Variants in SP6 observed in about 807,000 individuals in gnomAD.
SP6 encodes the protein transcription factor Sp6.
SP6 carries 10 observed loss-of-function variants against 23.4 expected under a neutral mutation model. That is an observed-to-expected ratio of 0.43 (90% CI 0.26 to 0.72). SP6 has a LOEUF of 0.72. Among genes scored for constraint, SP6 ranks in the 30% least tolerant of loss-of-function variants. The pLI is 0.23. For missense variants in SP6, 482 were observed against 523.8 expected (o/e 0.92, Z 0.78); for synonymous variants, 238 against 238.7 (o/e 1.00, Z 0.03).
the SP6 span, among the ~76,000 whole-genome samples, chr17:47,864,241 C>CT: frequency 1.3e-5 from 2 of 150,902 alleles, no homozygotes; most frequent in African/African-American, 4.9e-5. Context: ...GTCTTTTTTC[C>CT]TTTTTTTGTT....
rs1251311090 is a variant in SP6 at position 47,846,829 on chromosome 17, G to A, written c.*470C>T. The A allele has an allele frequency of 6.4e-6, 1 of 156,104 alleles. No homozygotes were observed. Among genetic ancestry groups the A allele is most frequent in the East Asian group, 1.9e-4 (1 of 5,292 alleles). The allele number at this position is 156,104 out of a possible 1,614,324, so 9.7% of individuals were successfully genotyped here. A position where few individuals can be genotyped will look rare whatever the true frequency, so the allele number is the denominator to read the frequency against. ...CCCTAGGGGCAGAAGCACTTTAAGT[G>A]GGATGAAAGGGACCCCGCCGCAGGG... On this transcript the variant is annotated 3_prime_UTR_variant, in exon 2 of 2. Coordinates refer to ENST00000536300, the MANE Select transcript of SP6 (RefSeq NM_001258248.2).
At chr17:47,851,579 G>C (rs971853222), upstream of SP6, among the ~76,000 whole-genome samples, 3 of 152,158 alleles carry the variant, frequency 2.0e-5, no homozygotes, top group Non-Finnish European at 4.4e-5. Flanking sequence ...CTCTCTGAAC[G>C]GACAGCCCTG....
rs1160545294 is a variant in SP6, at chr17:47,848,410, C to T, written c.20G>A (p.Gly7Asp). ...TTCCGTGTGCTGGCTGCCCAGAGAG[C>T]CGCAGACAGCGGTTAGCATTGCCGG... The part of the protein sequence containing the change: MLTAVC[G>D]SLGSQHTEAP... Residue 7 changes from glycine to aspartate, a missense_variant, in exon 2 of 2, where the codon GGC becomes GAC. By Grantham distance (94) the Gly-to-Asp change is moderately conservative. Transcript: ENST00000536300. This position sits in a 1 kb window ranked among gnomAD's most constrained non-coding sequence, Gnocchi z 5.3. 6.6e-7 allele frequency: 1 copy of T among 1,525,818 alleles called. No homozygotes were observed. The highest frequency in any genetic ancestry group is 2.2e-4 in the Middle Eastern group (1 of 4,538). 94.5% of individuals were successfully genotyped at this position (1,525,818 alleles called of 1,614,324 possible). A position where few individuals can be genotyped will look rare whatever the true frequency, so the allele number is the denominator to read the frequency against.
chr17:47,850,337 C>T (rs1254196019), intron 1 of SP6, among the ~76,000 whole-genome samples: 1 of 152,060 alleles, frequency 6.6e-6, no homozygotes, highest in Non-Finnish European at 1.5e-5. Flanking sequence ...GGAAAACTGC[C>T]CTGGAGCTGG....
the SP6 span, among the ~76,000 whole-genome samples, chr17:47,870,555 C>G: frequency 5.3e-5 from 8 of 152,146 alleles, no homozygotes; most frequent in African/African-American, 1.9e-4. Context: ...AGGGGGTGAA[C>G]AAAAGCCAGG....
At chr17:47,872,500 TGGCGGC>T in the SP6 span, among the ~76,000 whole-genome samples, 2 of 151,934 alleles carry the variant, frequency 1.3e-5, no homozygotes, top group African/African-American at 4.8e-5. Context: ...GGAGGCTCAG[TGGCGGC>T]GGCGGCGGCG....
At chr17:47,861,134 C>T in the SP6 span, among the ~76,000 whole-genome samples, 8 of 152,178 alleles carry the variant, frequency 5.3e-5, no homozygotes, top group Non-Finnish European at 1.0e-4. Context: ...TAATTTGCTT[C>T]CTGATTGAGG....
At chr17:47,861,712 C>T in the SP6 span, among the ~76,000 whole-genome samples, 1 of 149,896 alleles carries the variant, frequency 6.7e-6, no homozygotes, top group African/African-American at 2.5e-5. Context: ...CAGCCTGGGT[C>T]TCACTCAGAC....
chr17:47,870,377 G>A, the SP6 span, among the ~76,000 whole-genome samples: 1 of 152,088 alleles, frequency 6.6e-6, no homozygotes, highest in Non-Finnish European at 1.5e-5. Flanking sequence ...TTGGAGGGGT[G>A]GAGAGTGTTT....
At position 47,847,627 on chromosome 17, in the gene SP6, G is replaced by A. The variant is rs1405500054; in HGVS notation, c.803C>T (p.Thr268Met). 8 of 1,613,474 alleles carry A rather than the reference G, an allele frequency of 5.0e-6. No homozygotes were observed. Among genetic ancestry groups the A allele is most frequent in the Admixed American group, 3.3e-5 (2 of 60,030 alleles). ...IPGCGKAYAK[T>M]SHLKAHLRWH... ...GCGCAGGTGCGCCTTCAGGTGCGACGTCTTGGCGTAGGCTTTCCCGCAGCC... is the reference window on the plus strand; with the variant it reads ...GCGCAGGTGCGCCTTCAGGTGCGACATCTTGGCGTAGGCTTTCCCGCAGCC... Residue 268 changes from threonine to methionine, a missense_variant, in exon 2 of 2, where the codon ACG (threonine) becomes ATG (methionine). Physicochemically the swap from Thr to Met is moderately conservative, Grantham distance 81. This residue lies in a region of SP6 where 51 missense variants were observed against 92.1 expected (regional missense o/e 0.55). Transcript: ENST00000536300.
Position 47,847,461 on chromosome 17 carries a change from G to A in SP6, c.969C>T (p.Phe323=), listed in dbSNP as rs373941555. ...KFPCAVCSRV[F]MRSDHLAKHM... ...GCTTGGCCAGGTGGTCGCTGCGCATGAAGACGCGGCTGCAGACTGCACAGG... is the reference window on the plus strand; with the variant it reads ...GCTTGGCCAGGTGGTCGCTGCGCATAAAGACGCGGCTGCAGACTGCACAGG... The change falls in exon 2 of 2, where the codon TTC becomes TTT. Residue 323 remains phenylalanine, a synonymous_variant. Coordinates refer to ENST00000536300, the MANE Select transcript of SP6 (RefSeq NM_001258248.2). 73 of 1,613,642 alleles carry A rather than the reference G, an allele frequency of 4.5e-5. No individual in the cohort carries two copies. The highest frequency in any genetic ancestry group is 5.8e-5 in the Non-Finnish European group (68 of 1,179,944).
At chr17:47,853,262 T>A (rs1267980085), upstream of SP6, among the ~76,000 whole-genome samples, 4 of 152,222 alleles carry the variant, frequency 2.6e-5, no homozygotes, top group African/African-American at 9.7e-5. Flanking sequence ...CTGCTCTGGA[T>A]CTTTGTGGCC....
At position 47,847,283 on chromosome 17, in the gene SP6, G is replaced by A. The variant is rs778420515; in HGVS notation, c.*16C>T. 5 of 1,498,910 alleles carry A rather than the reference G, an allele frequency of 3.3e-6. No homozygotes were observed. In the Admixed American group the frequency reaches 6.8e-5, roughly 20 times the overall value. The allele number at this position is 1,498,910 out of a possible 1,614,324, so 92.9% of individuals were successfully genotyped here. A position where few individuals can be genotyped will look rare whatever the true frequency, so the allele number is the denominator to read the frequency against. On this transcript the variant is annotated 3_prime_UTR_variant, in exon 2 of 2. Coordinates refer to ENST00000536300, the MANE Select transcript of SP6 (RefSeq NM_001258248.2). ...GTGCCCCCCGGGATACCCGCAGGGAGGCGGCACTGAGGAGCTCAGTTGGAG... is the reference window on the plus strand; with the variant it reads ...GTGCCCCCCGGGATACCCGCAGGGAAGCGGCACTGAGGAGCTCAGTTGGAG...
At chr17:47,860,831 T>C (rs2034030874), upstream of SP6, among the ~76,000 whole-genome samples, 1 of 152,220 alleles carries the variant, frequency 6.6e-6, no homozygotes, top group Non-Finnish European at 1.5e-5. Context: ...CCTTCCTCTT[T>C]CACCCTGACA....
At chr17:47,871,803 T>G in the SP6 span, among the ~76,000 whole-genome samples, 1 of 152,146 alleles carries the variant, frequency 6.6e-6, no homozygotes, top group East Asian at 1.9e-4. Flanking sequence ...GTATTTTTAG[T>G]AGAGACGGGG....
At chr17:47,853,289 T>C (rs1253099038), upstream of SP6, among the ~76,000 whole-genome samples, 2 of 152,190 alleles carry the variant, frequency 1.3e-5, no homozygotes, top group Non-Finnish European at 2.9e-5. Context: ...AATTTGACAA[T>C]CAATCCTCTT....
upstream of SP6, among the ~76,000 whole-genome samples, chr17:47,852,497 T>C (rs1049477516): frequency 2.6e-5 from 4 of 152,224 alleles, no homozygotes; most frequent in Admixed American, 6.5e-5. Context: ...TCTGTGCGCT[T>C]TGCCGTCGGC....
chr17:47,853,001 C>T (rs1461854745), upstream of SP6, among the ~76,000 whole-genome samples: 2 of 152,216 alleles, frequency 1.3e-5, no homozygotes, highest in East Asian at 3.8e-4. Context: ...GACCTGTGGA[C>T]TAGAAGTTGA....
At chr17:47,856,531 T>A (rs1219594619), upstream of SP6, among the ~76,000 whole-genome samples, 1 of 152,106 alleles carries the variant, frequency 6.6e-6, no homozygotes, top group Non-Finnish European at 1.5e-5. Context: ...AAGGTGAATT[T>A]AGGGGGAGCC....
Sources: gnomAD v4.1 joint callset for allele counts (sites outside exome capture counted in the v4.1 genomes callset) on GRCh38, gnomAD v4.1.1 for gene constraint, gnomAD v4.1.1 regional missense constraint, Gnocchi (gnomAD v3.1) non-coding constraint, MANE v1.5 for transcripts, NCBI Gene and HGNC (gene_info 2026-07-23, HGNC 2026-07-21) for gene names.